CFAP47: variants seen among roughly 807,000 people sequenced by gnomAD.
The protein encoded by CFAP47 is cilia and flagella associated protein 47.
In CFAP47, 29 loss-of-function variants were observed where a neutral mutation model predicts 148.1. That is an observed-to-expected ratio of 0.20 (90% CI 0.15 to 0.27). The LOEUF is 0.27. Among genes scored for constraint, CFAP47 ranks in the 10% least tolerant of loss-of-function variants. The probability of loss-of-function intolerance (pLI) is 1.00; values close to 1 mark genes in which losing one functional copy is unlikely to be tolerated. For missense variants in CFAP47, 1,872 were observed against 1,697.5 expected, an observed-to-expected ratio of 1.10 and a Z score of -1.81; for synonymous variants, 664 against 577.3, an observed-to-expected ratio of 1.15 and a Z score of -2.15.
intron 51 of CFAP47, among the ~76,000 whole-genome samples, chrX:36,292,711 G>A (rs1941204823): frequency 9.0e-6 from 1 of 111,602 alleles, no homozygotes; most frequent in South Asian, 3.7e-4. Flanking sequence ...GAGTAGGTAT[G>A]AACTGGCAAC....
intron 57 of CFAP47, among the ~76,000 whole-genome samples, chrX:36,344,246 AAAG>A (rs1941677897): frequency 1.0e-5 from 1 of 98,990 alleles, no homozygotes; most frequent in South Asian, 4.0e-4. Flanking sequence ...AAAGAAAAAA[AAAG>A]AGAGAAAGAA....
At chrX:36,261,816 G>A (rs1440434583) in intron 49 of CFAP47, among the ~76,000 whole-genome samples, 1 of 111,456 alleles carries the variant, frequency 9.0e-6, no homozygotes, top group Non-Finnish European at 1.9e-5. Flanking sequence ...CGTCATCATG[G>A]CCCGTTCTCA....
chrX:36,212,417 G>T (rs1940112390), intron 45 of CFAP47, among the ~76,000 whole-genome samples: 1 of 111,314 alleles, frequency 9.0e-6, no homozygotes, highest in Non-Finnish European at 1.9e-5. Flanking sequence ...TTTAGAATCT[G>T]CTCGTTGATT....
chrX:36,326,404 T>C lies in CFAP47; in HGVS notation c.8443+7097T>C, dbSNP rs782334866. Among the ~76,000 whole-genome samples, 249 of 110,935 alleles carry C rather than the reference T, an allele frequency of 2.2e-3. 1 individual carries two copies. The highest frequency in any genetic ancestry group is 3.6e-3 in the Non-Finnish European group (190 of 53,048). Reference sequence around the variant, plus strand: ...ATTTAGAAGCGACTTTGAAACTGGGTAATAGGTAGAGAGTTGAACAGTTTG... The same window carrying C: ...ATTTAGAAGCGACTTTGAAACTGGGCAATAGGTAGAGAGTTGAACAGTTTG... On this transcript the variant is annotated intron_variant, in intron 57 of 63. Coordinates refer to ENST00000378653, the MANE Select transcript of CFAP47 (RefSeq NM_001304548.2).
chrX:36,025,164 A>G (rs1053197089), intron 22 of CFAP47, among the ~76,000 whole-genome samples: 1 of 111,442 alleles, frequency 9.0e-6, no homozygotes, highest in Admixed American at 9.6e-5. Flanking sequence ...TTTTTTGTAT[A>G]ATACTTTTTT....
Position 35,920,008 on chromosome X carries a change from G to C in CFAP47, c.209G>C (p.Trp70Ser). 1 of 1,200,795 alleles carries C rather than the reference G, an allele frequency of 8.3e-7. No homozygotes were observed. The highest frequency in any genetic ancestry group is 1.1e-6 in the Non-Finnish European group (1 of 888,235). ...ATTACTGTGCATAATATTTGCCGCTGGAACCAGAAAATCCGATTTAAGGAG... is the reference window on the plus strand; with the variant it reads ...ATTACTGTGCATAATATTTGCCGCTCGAACCAGAAAATCCGATTTAAGGAG... ...LPITVHNICR[W>S]NQKIRFKEPV... The change falls in exon 1 of 64, where the codon TGG (tryptophan) becomes TCG (serine). Residue 70 changes from tryptophan (W) to serine (S), a missense_variant. Physicochemically the swap from Trp to Ser is radical, Grantham distance 177. Coordinates refer to ENST00000378653, the MANE Select transcript of CFAP47 (RefSeq NM_001304548.2).
At chrX:35,924,257 A>G (rs754401964) in intron 1 of CFAP47, among the ~76,000 whole-genome samples, 1 of 91,831 alleles carries the variant, frequency 1.1e-5, no homozygotes, top group South Asian at 4.3e-4. Flanking sequence ...GCATATGGAC[A>G]TGTATGTGTA....
intron 37 of CFAP47, among the ~76,000 whole-genome samples, chrX:36,158,760 G>C (rs936199761): frequency 9.0e-6 from 1 of 111,373 alleles, no homozygotes; most frequent in African/African-American, 3.3e-5. Context: ...TGGGGTTTCT[G>C]CCAAGACTTT....
At chrX:36,209,431 T>C (rs1048883693) in intron 45 of CFAP47, among the ~76,000 whole-genome samples, 2 of 111,788 alleles carry the variant, frequency 1.8e-5, no homozygotes, top group African/African-American at 6.5e-5. Context: ...TGTGATTAGA[T>C]TCTGGAAGAA....
chrX:36,277,524 T>TA (rs1256909618), intron 49 of CFAP47, among the ~76,000 whole-genome samples: 1 of 112,075 alleles, frequency 8.9e-6, no homozygotes, highest in African/African-American at 3.2e-5. Flanking sequence ...GCCTAGAATT[T>TA]AAAAAAATAT....
chrX:36,048,267 T>C (rs1199205413), intron 26 of CFAP47, among the ~76,000 whole-genome samples: 1 of 111,875 alleles, frequency 8.9e-6, no homozygotes, highest in Non-Finnish European at 1.9e-5. Flanking sequence ...ATATTTATTG[T>C]AGGCAAACCA....
At chrX:36,039,827 C>T (rs1047987514) in intron 25 of CFAP47, among the ~76,000 whole-genome samples, 2 of 112,199 alleles carry the variant, frequency 1.8e-5, no homozygotes, top group African/African-American at 6.5e-5. Flanking sequence ...TCTCAGACTT[C>T]TCTGCTTCTG....
At chrX:36,299,194 A>T in intron 52 of CFAP47, 42 bp downstream of exon 52, 1 of 811,597 alleles carries the variant, frequency 1.2e-6, no homozygotes, top group Non-Finnish European at 1.6e-6. Flanking sequence ...GTTGATCCTT[A>T]GAAATTAACC....
At chrX:36,070,874 C>T (rs1448367291) in intron 27 of CFAP47, among the ~76,000 whole-genome samples, 2 of 112,086 alleles carry the variant, frequency 1.8e-5, no homozygotes, top group Non-Finnish European at 3.8e-5. Context: ...GGAGTTACCG[C>T]CCCTTTACAT....
chrX:35,931,387 G>A (rs1460723334), intron 2 of CFAP47, among the ~76,000 whole-genome samples: 2 of 110,044 alleles, frequency 1.8e-5, no homozygotes, highest in African/African-American at 6.6e-5. Flanking sequence ...TTTCCTATTC[G>A]TTTACTTTCA....
intron 26 of CFAP47, among the ~76,000 whole-genome samples, chrX:36,054,899 A>G (rs5973566): frequency 9.2e-6 from 1 of 109,217 alleles, no homozygotes; most frequent in African/African-American, 3.3e-5. Context: ...CAGCTTCCCG[A>G]GTACCTGGGA....
At chrX:36,303,343 C>T (rs1484472819) in intron 53 of CFAP47, among the ~76,000 whole-genome samples, 1 of 111,022 alleles carries the variant, frequency 9.0e-6, no homozygotes, top group African/African-American at 3.3e-5. Context: ...AGCTACCATG[C>T]CTGGCTATTT....
intron 11 of CFAP47, 65 bp downstream of exon 11, chrX:35,970,988 T>G (rs1936482069): frequency 1.1e-6 from 1 of 933,953 alleles, no homozygotes. Context: ...GAATTTTTTT[T>G]TAACTCCTTG....
chrX:36,346,810 CG>C (rs1941701000), intron 57 of CFAP47, among the ~76,000 whole-genome samples: 1 of 111,219 alleles, frequency 9.0e-6, no homozygotes, highest in Non-Finnish European at 1.9e-5. Flanking sequence ...AAGACTTAGA[CG>C]TAAGACCTAG....
Sources: allele counts gnomAD v4.1 joint callset (sites outside exome capture counted in the v4.1 genomes callset), GRCh38; gene constraint gnomAD v4.1.1; transcripts MANE v1.5; gene names NCBI Gene and HGNC (gene_info 2026-07-23, HGNC 2026-07-21).